OR51B5: variants seen among roughly 807,000 people sequenced by gnomAD.
The protein encoded by OR51B5 is olfactory receptor 51B5.
For missense variants in OR51B5, 456 were observed against 374.6 expected (o/e 1.22, Z -1.79); for synonymous variants, 186 against 144.8 (o/e 1.28, Z -2.04).
At chr11:5,375,445 C>T (rs1278739317) in intron 1 of OR51B5, among the ~76,000 whole-genome samples, 1 of 119,602 alleles carries the variant, frequency 8.4e-6, no homozygotes, top group African/African-American at 3.1e-5. Flanking sequence ...AAATAACCAG[C>T]TATCATAATG....
intron 1 of OR51B5, among the ~76,000 whole-genome samples, chr11:5,394,573 T>C (rs1849840441): frequency 1.3e-5 from 2 of 152,240 alleles, no homozygotes; most frequent in Non-Finnish European, 1.5e-5. Flanking sequence ...GATACTGTAT[T>C]TGTAAAACAC....
chr11:5,436,934 G>A (rs1053903207), intron 1 of OR51B5, among the ~76,000 whole-genome samples: 4 of 152,142 alleles, frequency 2.6e-5, no homozygotes, highest in African/African-American at 7.2e-5. Context: ...GACCTCAGGT[G>A]GGCACCAGCC....
chr11:5,486,855 C>G (rs1366711090), intron 1 of OR51B5, among the ~76,000 whole-genome samples: 1 of 152,038 alleles, frequency 6.6e-6, no homozygotes, highest in Non-Finnish European at 1.5e-5. Flanking sequence ...CTTTGTATTA[C>G]AGTCCTAGGT....
intron 1 of OR51B5, among the ~76,000 whole-genome samples, chr11:5,427,014 C>T (rs1850461511): frequency 1.3e-5 from 2 of 152,156 alleles, no homozygotes; most frequent in Admixed American, 6.5e-5. Context: ...AGTGAAGTTC[C>T]ACTACTCACC....
intron 1 of OR51B5, among the ~76,000 whole-genome samples, chr11:5,458,012 G>A (rs1328952850): frequency 1.3e-5 from 2 of 152,122 alleles, no homozygotes; most frequent in East Asian, 3.9e-4. Context: ...ACGGCTTTTG[G>A]AGATTTCATC....
At chr11:5,450,432 A>G (rs570479520) in intron 1 of OR51B5, among the ~76,000 whole-genome samples, 109 of 152,294 alleles carry the variant, frequency 7.2e-4, no homozygotes, top group African/African-American at 2.5e-3. Context: ...AAAATAAGAC[A>G]TAGGTCTAAA....
chr11:5,465,545 T>G (rs1319278141), intron 1 of OR51B5, among the ~76,000 whole-genome samples: 1 of 150,864 alleles, frequency 6.6e-6, no homozygotes, highest in Non-Finnish European at 1.5e-5. Context: ...TCACACTACC[T>G]GACTTCAAAC....
At chr11:5,393,660 C>T (rs1849829348) in intron 1 of OR51B5, among the ~76,000 whole-genome samples, 1 of 152,124 alleles carries the variant, frequency 6.6e-6, no homozygotes, top group African/African-American at 2.4e-5. Flanking sequence ...GCATTTAACT[C>T]ACGGTAGAGA....
intron 1 of OR51B5, among the ~76,000 whole-genome samples, chr11:5,488,250 G>A (rs974222050): frequency 1.3e-5 from 2 of 152,152 alleles, no homozygotes; most frequent in Admixed American, 6.5e-5. Flanking sequence ...TTTAGAAAGG[G>A]AAGGCCTCTG....
chr11:5,362,700 A>G (rs7116499), intron 1 of OR51B5: 133,643 of 219,688 alleles, frequency 0.61, 41,765 homozygotes, highest in South Asian at 0.78. Context: ...TTGGCCATCG[A>G]CATGTTCTTC....
At chr11:5,441,705 C>T (rs1050636502) in intron 1 of OR51B5, among the ~76,000 whole-genome samples, 22 of 152,168 alleles carry the variant, frequency 1.4e-4, no homozygotes, top group African/African-American at 5.1e-4. Context: ...ACCACCAGGG[C>T]CCTGCTCACT....
At chr11:5,503,777 G>A (rs1164351957) in intron 1 of OR51B5, among the ~76,000 whole-genome samples, 1 of 151,700 alleles carries the variant, frequency 6.6e-6, no homozygotes, top group Non-Finnish European at 1.5e-5. Flanking sequence ...CGCAGGACTC[G>A]GGGGTAAAAA....
chr11:5,457,544 A>T (rs1272140553), intron 1 of OR51B5, among the ~76,000 whole-genome samples: 1 of 152,170 alleles, frequency 6.6e-6, no homozygotes, highest in African/African-American at 2.4e-5. Flanking sequence ...AAATATCCAA[A>T]CTTCTTTCCA....
chr11:5,389,916 T>C, intron 1 of OR51B5: 1 of 1,611,734 alleles, frequency 6.2e-7, no homozygotes. Flanking sequence ...CCTATTGTCC[T>C]CCTCCTGAAG....
chr11:5,422,598 A>G (rs763067199), intron 1 of OR51B5: 4 of 1,613,884 alleles, frequency 2.5e-6, no homozygotes, highest in Admixed American at 3.3e-5. Context: ...TGTCCCCTCC[A>G]TTATGCCTCC....
At chr11:5,375,433 C>G (rs531535116) in intron 1 of OR51B5, among the ~76,000 whole-genome samples, 2 of 128,958 alleles carry the variant, frequency 1.6e-5, no homozygotes, top group East Asian at 2.0e-4. Flanking sequence ...AACTAACGAG[C>G]AAAATAACCA....
intron 1 of OR51B5, among the ~76,000 whole-genome samples, chr11:5,436,666 G>A (rs150337692): frequency 6.2e-4 from 95 of 152,294 alleles, no homozygotes; most frequent in Non-Finnish European, 1.0e-3. Context: ...TGAGGTTTGA[G>A]GATTTTTAAA....
At chr11:5,429,216 C>T (rs188451285) in intron 1 of OR51B5, among the ~76,000 whole-genome samples, 2 of 144,346 alleles carry the variant, frequency 1.4e-5, no homozygotes, top group Non-Finnish European at 3.1e-5. Context: ...CCTTGAAAAA[C>T]CCCAGCCTTT....
At chr11:5,407,413 A>G (rs1231065225) in intron 1 of OR51B5, among the ~76,000 whole-genome samples, 1 of 152,122 alleles carries the variant, frequency 6.6e-6, no homozygotes, top group East Asian at 1.9e-4. Context: ...ACTTCGCAGA[A>G]TTGCATGGTT....
Sources: gnomAD v4.1 joint callset for allele counts (sites outside exome capture counted in the v4.1 genomes callset) on GRCh38, gnomAD v4.1.1 for gene constraint, MANE v1.5 for transcripts, NCBI Gene and HGNC (gene_info 2026-07-23, HGNC 2026-07-21) for gene names.